Variants in TBC1D12 observed in about 807,000 individuals in gnomAD.
TBC1D12 encodes TBC1 domain family member 12.
TBC1D12 carries 56 observed loss-of-function variants against 86.7 expected under a neutral mutation model. The ratio of observed to expected loss-of-function variants is 0.65; its 90% CI spans 0.52 to 0.81. The LOEUF is 0.81. Ranked by LOEUF, TBC1D12 falls within the 30% of genes least tolerant of loss-of-function variation. TBC1D12 has a pLI of 0.00. For missense variants in TBC1D12, 1,023 were observed against 1,038.8 expected (o/e 0.98, Z 0.21); for synonymous variants, 421 against 411.7 (o/e 1.02, Z -0.27).
chr10:94,482,968 A>G lies in TBC1D12; in HGVS notation c.1211+8185A>G, dbSNP rs140135197. Among the ~76,000 whole-genome samples, 486 of 152,044 alleles carry G rather than the reference A, an allele frequency of 3.2e-3. 2 individuals are homozygous for G. The highest frequency in any genetic ancestry group is 0.011 in the African/African-American group (469 of 41,474). On this transcript the variant is annotated intron_variant, in intron 3 of 12. Coordinates refer to ENST00000225235, the MANE Select transcript of TBC1D12 (RefSeq NM_015188.2). ...TTCCATTTCCATCCATATTGTTGCA[A>G]ATGACAGGCTCTCATTCCTTTTTGT...
intron 2 of TBC1D12, among the ~76,000 whole-genome samples, chr10:94,473,618 A>G (rs1440755672): frequency 1.3e-5 from 2 of 152,298 alleles, no homozygotes; most frequent in African/African-American, 4.8e-5. Flanking sequence ...GTGGACTTGC[A>G]TAGTTCGTGA....
chr10:94,461,782 T>G (rs2055733599), intron 2 of TBC1D12, among the ~76,000 whole-genome samples: 1 of 152,196 alleles, frequency 6.6e-6, no homozygotes, highest in South Asian at 2.1e-4. Flanking sequence ...CTTCTTTATG[T>G]GTTTGTTTCT....
In TBC1D12 at chr10:94,403,386, G is replaced by C. The variant is rs781295639; in HGVS notation, c.773G>C (p.Gly258Ala). The C allele has an allele frequency of 6.5e-7, 1 of 1,544,640 alleles. No homozygotes were observed. The highest frequency in any genetic ancestry group is 8.7e-7 in the Non-Finnish European group (1 of 1,145,362). ...GCCACCTCGGCCGAGAGGACTAATG[G>C]GGGTGCGGAGCCGCGCCTGGGCTTT... ...PPATSAERTN[G>A]GAEPRLGFSD... The change falls in exon 1 of 13, where the codon GGG (glycine) becomes GCG (alanine). Residue 258 changes from glycine (G) to alanine (A), a missense_variant. Gly to Ala is a moderately conservative substitution (Grantham distance 60). This residue lies in a region of TBC1D12 where 628 missense variants were observed against 531.1 expected (regional missense o/e 1.18). Transcript: ENST00000225235.
chr10:94,444,534 A>T (rs369661099), intron 2 of TBC1D12, among the ~76,000 whole-genome samples: 5 of 152,260 alleles, frequency 3.3e-5, no homozygotes, highest in Non-Finnish European at 7.4e-5. Context: ...CTGAAGGTTT[A>T]TACAGGTATT....
rs7082105 is a variant in TBC1D12 at position 94,484,267 on chromosome 10, G to A, written c.1212-9098G>A. On this transcript the variant is annotated intron_variant, in intron 3 of 12. Transcript: ENST00000225235. The stretch of plus-strand genomic sequence containing the variant: ...TCTTTTGTTTTTTTTTTTTTTTGAG[G>A]TGGAGTTTCGCTCTTGTTGCTCAGG... 4.7e-5 allele frequency among the ~76,000 whole-genome samples: 7 copies of A among 147,514 alleles called. No homozygotes were observed. The East Asian group carries it at 1.4e-3, about 29-fold the overall frequency.
chr10:94,444,219 T>G (rs1213386418), intron 2 of TBC1D12, among the ~76,000 whole-genome samples: 1 of 151,532 alleles, frequency 6.6e-6, no homozygotes, highest in Non-Finnish European at 1.5e-5. Flanking sequence ...TTTTTTCAAT[T>G]TATGTGTATT....
chr10:94,529,548 G>T (rs1261430325), intron 11 of TBC1D12, among the ~76,000 whole-genome samples: 1 of 152,148 alleles, frequency 6.6e-6, no homozygotes, highest in Non-Finnish European at 1.5e-5. Flanking sequence ...AACCCCGGAG[G>T]TGGAGGTTGC....
intron 7 of TBC1D12, 182 bp from the exon 8 acceptor site, chr10:94,509,909 G>A: frequency 1.9e-6 from 1 of 533,458 alleles, no homozygotes; most frequent in Non-Finnish European, 3.2e-6. Context: ...TAAATGTATA[G>A]CTATTTTCTT....
Position 94,530,261 on chromosome 10 carries a change from CCA to C in TBC1D12, c.2001-939_2001-938del, listed in dbSNP as rs368333838. Among the ~76,000 whole-genome samples the C allele has an allele frequency of 2.5e-3, 377 of 152,194 alleles. 1 individual carries two copies. The highest frequency in any genetic ancestry group is 8.8e-3 in the African/African-American group (367 of 41,528). On this transcript the variant is annotated intron_variant, in intron 11 of 12. Coordinates refer to ENST00000225235, the MANE Select transcript of TBC1D12 (RefSeq NM_015188.2). ...CCCAACCAGAATGGCTCCCAGAGAA[CCA>C]CTGGATAAAGAATTACGTGGTCAGA...
intron 2 of TBC1D12, among the ~76,000 whole-genome samples, chr10:94,448,128 A>C (rs2055497601): frequency 6.6e-6 from 1 of 152,124 alleles, no homozygotes; most frequent in Non-Finnish European, 1.5e-5. Context: ...TGATTTCTTA[A>C]TCAGAGAGTT....
intron 2 of TBC1D12, among the ~76,000 whole-genome samples, chr10:94,442,265 T>TAA (rs2055394358): frequency 6.6e-6 from 1 of 152,098 alleles, no homozygotes; most frequent in African/African-American, 2.4e-5. Flanking sequence ...CTTTTTTTTT[T>TAA]AACCAGTTAT....
At chr10:94,432,470 G>A (rs564168537) in intron 1 of TBC1D12, among the ~76,000 whole-genome samples, 1 of 152,146 alleles carries the variant, frequency 6.6e-6, no homozygotes, top group South Asian at 2.1e-4. Context: ...ATGCCATTTT[G>A]CTGTATTATG....
At chr10:94,407,001 C>G (rs1254579045) in intron 1 of TBC1D12, among the ~76,000 whole-genome samples, 2 of 152,068 alleles carry the variant, frequency 1.3e-5, no homozygotes, top group East Asian at 1.9e-4. Flanking sequence ...TCTTCCCTTC[C>G]CACTTCGTTC....
Position 94,403,437 on chromosome 10 carries a change from A to G in TBC1D12, c.824A>G (p.Asn275Ser), listed in dbSNP as rs768278641. The G allele has an allele frequency of 1.0e-5, 16 of 1,548,290 alleles. No homozygotes were observed. The highest frequency in any genetic ancestry group is 8.4e-5 in the African/African-American group (6 of 71,536). ...TCTGACATTCACTTCAACTCTCGCA[A>G]CACGTTCCAGGTGAGCCGCGGTCAG... is the stretch of plus-strand genomic sequence containing the variant. The part of the protein sequence containing the change: ...GFSDIHFNSR[N>S]TFQVSRGQSA... The change falls in exon 1 of 13, where the codon AAC (asparagine) becomes AGC (serine). Residue 275 changes from asparagine to serine, a missense_variant. Physicochemically the swap from Asn to Ser is conservative, Grantham distance 46. This residue lies in a region of TBC1D12 where 628 missense variants were observed against 531.1 expected (regional missense o/e 1.18). Coordinates refer to ENST00000225235, the MANE Select transcript of TBC1D12 (RefSeq NM_015188.2).
intron 1 of TBC1D12, among the ~76,000 whole-genome samples, chr10:94,440,877 GT>G (rs113818285): frequency 0.012 from 1,848 of 152,218 alleles, 55 homozygotes; most frequent in African/African-American, 0.043. Context: ...CTTAATACTT[GT>G]GCAGGGTGCA....
chr10:94,489,275 C>T (rs1029983502), intron 3 of TBC1D12, among the ~76,000 whole-genome samples: 3 of 152,238 alleles, frequency 2.0e-5, no homozygotes, highest in African/African-American at 7.2e-5. Context: ...ATTTTGCTTT[C>T]CATGTGCTAG....
intron 9 of TBC1D12, among the ~76,000 whole-genome samples, chr10:94,512,022 A>C (rs1287527207): frequency 6.6e-6 from 1 of 152,082 alleles, no homozygotes; most frequent in Non-Finnish European, 1.5e-5. Context: ...CCTGTCCCTA[A>C]AGGATAGGGG....
chr10:94,510,275 G>T, intron 8 of TBC1D12, 96 bp downstream of exon 8: 1 of 786,964 alleles, frequency 1.3e-6, no homozygotes, highest in South Asian at 2.2e-5. Flanking sequence ...CTTTAAAAAA[G>T]GCAAAACTAT....
chr10:94,473,221 G>C (rs1023030090), intron 2 of TBC1D12, among the ~76,000 whole-genome samples: 7 of 151,474 alleles, frequency 4.6e-5, no homozygotes, highest in African/African-American at 1.7e-4. Flanking sequence ...ATAGCCAGCC[G>C]TGGTGGCTGA....
Sources: allele counts gnomAD v4.1 joint callset (sites outside exome capture counted in the v4.1 genomes callset), GRCh38; gene constraint gnomAD v4.1.1; regional missense constraint gnomAD v4.1.1; transcripts MANE v1.5; gene names NCBI Gene and HGNC (gene_info 2026-07-23, HGNC 2026-07-21).